THAP6: variants seen among roughly 807,000 people sequenced by gnomAD.
THAP6 encodes the protein THAP domain-containing protein 6.
Under a neutral mutation model 20.0 loss-of-function variants are expected in THAP6, and 13 were observed. The ratio of observed to expected loss-of-function variants is 0.65; its 90% confidence interval spans 0.42 to 1.03. The LOEUF (loss-of-function observed/expected upper bound fraction) is 1.03. Ranked by LOEUF, THAP6 falls within the 50% of genes least tolerant of loss-of-function variation. The pLI, the probability that THAP6 is intolerant of heterozygous loss-of-function variation, is 0.00. For missense variants in THAP6, 262 were observed against 261.6 expected (o/e 1.00, Z -0.01); for synonymous variants, 93 against 92.2 (o/e 1.01, Z -0.05).
chr4:75,532,319 C>G (rs1199192503), downstream of THAP6, among the ~76,000 whole-genome samples: 2 of 152,232 alleles, frequency 1.3e-5, no homozygotes, highest in Non-Finnish European at 2.9e-5. Context: ...GACTCCATGT[C>G]TCACATTCAG....
chr4:75,546,543 G>A (rs1727130887), intron 3 of THAP6, among the ~76,000 whole-genome samples: 1 of 152,218 alleles, frequency 6.6e-6, no homozygotes, highest in Admixed American at 6.5e-5. Flanking sequence ...GCATGACAGA[G>A]AAAGAATATG....
intron 2 of THAP6, among the ~76,000 whole-genome samples, chr4:75,536,475 G>C (rs1411779144): frequency 2.0e-5 from 3 of 152,042 alleles, no homozygotes; most frequent in Non-Finnish European, 4.4e-5. Flanking sequence ...AAAAAAAAGA[G>C]AGAAGCCCAA....
chr4:75,536,219 C>T (rs1726847507), intron 2 of THAP6, among the ~76,000 whole-genome samples: 1 of 152,208 alleles, frequency 6.6e-6, no homozygotes, highest in South Asian at 2.1e-4. Flanking sequence ...AATCCCAGCA[C>T]TTTGGGAGGC....
chr4:75,527,246 G>A lies in THAP6; in HGVS notation c.*32G>A. 6.3e-7 allele frequency: 1 copy of A among 1,581,888 alleles called. No homozygotes were observed. Among genetic ancestry groups the A allele is most frequent in the Non-Finnish European group, 8.6e-7 (1 of 1,163,010 alleles). On this transcript the variant is annotated 3_prime_UTR_variant, in exon 5 of 5. Coordinates refer to ENST00000311638, the MANE Select transcript of THAP6 (RefSeq NM_144721.6). Reference sequence around the variant, plus strand: ...TTCATGTTACGTTCCACCTAAAATTGTCATTGGTACAAATTTTTATAAAAT... The same window carrying A: ...TTCATGTTACGTTCCACCTAAAATTATCATTGGTACAAATTTTTATAAAAT...
Position 75,529,554 on chromosome 4 carries a change from C to G in THAP6, c.*2340C>G, listed in dbSNP as rs1377945868. On this transcript the variant is annotated 3_prime_UTR_variant, in exon 5 of 5. Transcript: ENST00000311638. ...ATGTGAGATTAAAAATAGGGTCCTC[C>G]CTGCTGCTCCAAACAAATGCCTAAA... 3 of 985,276 alleles carry G rather than the reference C, an allele frequency of 3.0e-6. No homozygotes were observed. Among genetic ancestry groups the G allele is most frequent in the Non-Finnish European group, 3.6e-6 (3 of 829,956 alleles). The allele number at this position is 985,276 out of a possible 1,614,324, so 61.0% of individuals were successfully genotyped here. A position where few individuals can be genotyped will look rare whatever the true frequency, so the allele number is the denominator to read the frequency against.
In THAP6 at chr4:75,527,587, A is replaced by C; in HGVS notation, c.*373A>C. On this transcript the variant is annotated 3_prime_UTR_variant, in exon 5 of 5. Transcript: ENST00000311638. ...GCTTCAAAGGAGTACCTTTACTTACATGTGCTTTATGGTAAGTACATTGAA... is the reference window on the plus strand; with the variant it reads ...GCTTCAAAGGAGTACCTTTACTTACCTGTGCTTTATGGTAAGTACATTGAA... 1 of 1,030,922 alleles carries C rather than the reference A, an allele frequency of 9.7e-7. No individual in the cohort carries two copies. The highest frequency in any genetic ancestry group is 1.2e-6 in the Non-Finnish European group (1 of 857,108). 63.9% of individuals were successfully genotyped at this position (1,030,922 alleles called of 1,614,324 possible).
chr4:75,529,347 C>T lies in THAP6; in HGVS notation c.*2133C>T. On this transcript the variant is annotated 3_prime_UTR_variant, in exon 5 of 5. Coordinates refer to ENST00000311638, the MANE Select transcript of THAP6 (RefSeq NM_144721.6). Reference sequence around the variant, plus strand: ...TTTCCAAGAGTAAAATCCCAGTCTGCCACTATCAAAATTGCCACAGTCACT... The same window carrying T: ...TTTCCAAGAGTAAAATCCCAGTCTGTCACTATCAAAATTGCCACAGTCACT... 1.3e-5 allele frequency: 13 copies of T among 985,400 alleles called. No homozygotes were observed. The highest frequency in any genetic ancestry group is 1.6e-5 in the Non-Finnish European group (13 of 829,940). 61.0% of individuals were successfully genotyped at this position (985,400 alleles called of 1,614,324 possible).
At position 75,542,359 on chromosome 4, in the gene THAP6, T is replaced by G. The variant is rs1018901139; in HGVS notation, c.166-50T>G. 10 of 695,746 alleles carry G rather than the reference T, an allele frequency of 1.4e-5. No individual in the cohort carries two copies. In the Admixed American group the frequency reaches 1.8e-4, roughly 13 times the overall value. 43.1% of individuals were successfully genotyped at this position (695,746 alleles called of 1,614,324 possible). On this transcript the variant is annotated intron_variant, in intron 2 of 4. Coordinates refer to the THAP6 transcript ENST00000502620. Reference sequence around the variant, plus strand: ...GAAGTATTGCATGCTCTAATAGAGCTGATCGCAATTTTCATAAATCCTCGT... The same window carrying G: ...GAAGTATTGCATGCTCTAATAGAGCGGATCGCAATTTTCATAAATCCTCGT...
downstream of THAP6, among the ~76,000 whole-genome samples, chr4:75,532,640 G>A (rs572483270): frequency 1.2e-4 from 18 of 152,316 alleles, no homozygotes; most frequent in Admixed American, 3.9e-4. Context: ...ACAAACTTCT[G>A]CCTGGGCATC....
Position 75,515,484 on chromosome 4 carries a change from C to T in THAP6, c.32C>T (p.Ala11Val). Reference protein sequence around the residue: MVKCCSAIGCASRCLPNSKLK... With the variant: MVKCCSAIGCVSRCLPNSKLK... ...AAATGCTGCTCCGCCATTGGATGTG[C>T]TTCTCGCTGCTTGCCAAATTCGAAG... Residue 11 changes from alanine (A) to valine (V), a missense_variant, in exon 2 of 5, where the codon GCT becomes GTT. Transcript: ENST00000311638. 2 of 1,614,040 alleles carry T rather than the reference C, an allele frequency of 1.2e-6. No homozygotes were observed. Among genetic ancestry groups the T allele is most frequent in the South Asian group, 2.2e-5 (2 of 91,084 alleles).
chr4:75,536,931 A>G (rs1191201183), intron 2 of THAP6, among the ~76,000 whole-genome samples: 1 of 152,206 alleles, frequency 6.6e-6, no homozygotes, highest in East Asian at 1.9e-4. Context: ...ATAATAGACA[A>G]AATCGATTTC....
chr4:75,524,004 C>A (rs1269758819), intron 4 of THAP6, among the ~76,000 whole-genome samples: 1 of 152,020 alleles, frequency 6.6e-6, no homozygotes, highest in Non-Finnish European at 1.5e-5. Context: ...TTTACCAGCA[C>A]CGTTTATTGA....
chr4:75,529,661 A>G lies in THAP6; in HGVS notation c.*2447A>G. The G allele has an allele frequency of 1.0e-6, 1 of 985,430 alleles. No individual in the cohort carries two copies. Among genetic ancestry groups the G allele is most frequent in the Non-Finnish European group, 1.2e-6 (1 of 829,954 alleles). The allele number at this position is 985,430 out of a possible 1,614,324, so 61.0% of individuals were successfully genotyped here. A position where few individuals can be genotyped will look rare whatever the true frequency, so the allele number is the denominator to read the frequency against. On this transcript the variant is annotated 3_prime_UTR_variant, in exon 5 of 5. Transcript: ENST00000311638. ...ACTGGCCTGTGTAAAGCAAAACCCA[A>G]GTCATCCCCCTCCAGAAATTTCTCT...
intron 4 of THAP6, among the ~76,000 whole-genome samples, chr4:75,526,593 A>G (rs1726385513): frequency 6.6e-6 from 1 of 152,236 alleles, no homozygotes; most frequent in African/African-American, 2.4e-5. Flanking sequence ...CATCCAATAA[A>G]GTAACCCAGT....
In THAP6 at chr4:75,528,101, A is replaced by G. The variant is rs578052213; in HGVS notation, c.*887A>G. ...AAAAATACAAAATACAAAAGAAACC[A>G]TTAGAAATTAATAACTGTGGCTCTT... On this transcript the variant is annotated 3_prime_UTR_variant, in exon 5 of 5. Transcript: ENST00000311638. The G allele has an allele frequency of 3.3e-4, 321 of 984,848 alleles. 1 individual carries two copies. In the African/African-American group the frequency reaches 4.7e-3, roughly 14 times the overall value. The allele number at this position is 984,848 out of a possible 1,614,324, so 61.0% of individuals were successfully genotyped here. A position where few individuals can be genotyped will look rare whatever the true frequency, so the allele number is the denominator to read the frequency against.
intron 4 of THAP6, chr4:75,522,095 T>G (rs1726072000): frequency 4.4e-6 from 2 of 453,960 alleles, no homozygotes; most frequent in Non-Finnish European, 7.7e-6. Context: ...CAAGGATATT[T>G]CTACCAAGGA....
downstream of THAP6, among the ~76,000 whole-genome samples, chr4:75,531,652 GAAGTTT>G (rs1726682987): frequency 6.6e-6 from 1 of 152,090 alleles, no homozygotes; most frequent in African/African-American, 2.4e-5. Flanking sequence ...ATAAAAGAAA[GAAGTTT>G]AATGGACTTA....
intron 3 of THAP6, among the ~76,000 whole-genome samples, chr4:75,520,893 T>C (rs1269336606): frequency 1.3e-5 from 2 of 152,202 alleles, no homozygotes; most frequent in Non-Finnish European, 2.9e-5. Flanking sequence ...TGAACACTCG[T>C]GCGTGTCTAT....
chr4:75,516,894 A>G lies in THAP6; in HGVS notation c.203A>G (p.Lys68Arg). The G allele has an allele frequency of 6.2e-7, 1 of 1,614,168 alleles. No individual in the cohort carries two copies. The highest frequency in any genetic ancestry group is 8.5e-7 in the Non-Finnish European group (1 of 1,180,026). ...GDVLCSRHFKKTDFDRSAPNI... is the reference protein window; with the variant it reads ...GDVLCSRHFKRTDFDRSAPNI... Reference sequence around the variant, plus strand: ...GTGTTGTGTTCGAGGCACTTTAAGAAGACAGATTTTGACAGAAGTGCTCCA... The same window carrying G: ...GTGTTGTGTTCGAGGCACTTTAAGAGGACAGATTTTGACAGAAGTGCTCCA... The change falls in exon 3 of 5, where the codon AAG becomes AGG. Residue 68 changes from lysine (K) to arginine (R), a missense_variant. Transcript: ENST00000311638.
Sources: allele counts gnomAD v4.1 joint callset (sites outside exome capture counted in the v4.1 genomes callset), GRCh38; gene constraint gnomAD v4.1.1; transcripts MANE v1.5; gene names NCBI Gene and HGNC (gene_info 2026-07-23, HGNC 2026-07-21).